The following TRMT9B variants were observed in gnomAD, a reference collection of about 807,000 sequenced individuals.
TRMT9B encodes probable tRNA methyltransferase 9B.
In TRMT9B, 16 loss-of-function variants were observed where a neutral mutation model predicts 11.5. The ratio of observed to expected loss-of-function variants is 1.39; its 90% confidence interval spans 0.94 to 2.11. TRMT9B has a LOEUF of 2.11. Among genes scored for constraint, TRMT9B ranks in the 30% most tolerant of loss-of-function variants. TRMT9B has a pLI of 0.00. For synonymous variants in TRMT9B, 274 were observed against 192.4 expected (o/e 1.42, Z -3.51); for missense variants, 941 against 553.8 (o/e 1.70, Z -7.02).
At chr8:12,956,785 A>T (rs1303793125) in intron 1 of TRMT9B, among the ~76,000 whole-genome samples, 2 of 152,228 alleles carry the variant, frequency 1.3e-5, no homozygotes, top group East Asian at 3.8e-4. Flanking sequence ...GAATAACATA[A>T]GAGTATGCTT....
chr8:13,001,495 T>TA, intron 2 of TRMT9B, among the ~76,000 whole-genome samples: 1 of 152,350 alleles, frequency 6.6e-6, no homozygotes, highest in Middle Eastern at 3.4e-3. Flanking sequence ...GTAGATAACA[T>TA]ACTTCACTAA....
chr8:13,010,785 A>G, intron 3 of TRMT9B: 1 of 983,046 alleles, frequency 1.0e-6, no homozygotes, highest in Non-Finnish European at 1.2e-6. Context: ...TTCTTAAAAT[A>G]GGACCATCGT....
At chr8:12,984,080 C>A (rs776580211) in intron 1 of TRMT9B, among the ~76,000 whole-genome samples, 1 of 152,154 alleles carries the variant, frequency 6.6e-6, no homozygotes, top group African/African-American at 2.4e-5. Flanking sequence ...GAGATAGTGA[C>A]GCCTTTTCTT....
intron 2 of TRMT9B, among the ~76,000 whole-genome samples, chr8:12,994,687 T>G (rs186113314): frequency 5.8e-4 from 89 of 152,138 alleles, no homozygotes; most frequent in African/African-American, 2.0e-3. Context: ...AACATTTTCT[T>G]TTTTTTTATT....
chr8:13,006,190 T>C lies in TRMT9B; in HGVS notation c.-1-12T>C, dbSNP rs1231891848. ...TGACCTGCATGCCTTGGGTTGGTCC[T>C]GTTTTCTCCAGGATGGATCATGAAG... On this transcript the variant is annotated splice_polypyrimidine_tract_variant and intron_variant, in intron 2 of 4. Transcript: ENST00000524591. 6.2e-7 allele frequency: 1 copy of C among 1,613,510 alleles called. No homozygotes were observed. Among genetic ancestry groups the C allele is most frequent in the Admixed American group, 1.7e-5 (1 of 59,990 alleles).
intron 2 of TRMT9B, among the ~76,000 whole-genome samples, chr8:12,993,006 AGCATT>A (rs1349635718): frequency 1.3e-5 from 2 of 152,226 alleles, no homozygotes; most frequent in Admixed American, 6.5e-5. Flanking sequence ...GTGATAGGAG[AGCATT>A]GCCGGTGAGA....
chr8:12,957,279 C>T (rs1346311427), intron 1 of TRMT9B, among the ~76,000 whole-genome samples: 1 of 152,140 alleles, frequency 6.6e-6, no homozygotes, highest in African/African-American at 2.4e-5. Flanking sequence ...TTCCCTTTAA[C>T]ACAGAGCTAG....
intron 4 of TRMT9B, 133 bp from the exon 5 acceptor site, chr8:13,020,875 G>A (rs566611166): frequency 1.3e-4 from 72 of 572,836 alleles, no homozygotes; most frequent in South Asian, 3.3e-4. Flanking sequence ...TGTCATCATC[G>A]TTGCCATGGA....
Position 13,016,235 on chromosome 8 carries a change from T to TTA in TRMT9B, c.328+3385_328+3386dup, listed in dbSNP as rs1812665254. On this transcript the variant is annotated intron_variant, in intron 4 of 4. Transcript: ENST00000524591. ...ATAAAATATAAATGTGAAATATATA[T>TTA]TATATATAAAATATAAATGTGAAAT... Among the ~76,000 whole-genome samples the TTA allele has an allele frequency of 3.8e-5, 3 of 79,206 alleles. 1 individual carries two copies. Among genetic ancestry groups the TTA allele is most frequent in the East Asian group, 1.0e-3 (2 of 1,914 alleles). 52.0% of individuals were successfully genotyped at this position (79,206 alleles called of 152,430 possible). A position where few individuals can be genotyped will look rare whatever the true frequency, so the allele number is the denominator to read the frequency against.
At chr8:13,006,155 G>C (rs771299312) in intron 2 of TRMT9B, 47 bp from the exon 3 acceptor site, 1 of 1,587,704 alleles carries the variant, frequency 6.3e-7, no homozygotes, top group Non-Finnish European at 8.6e-7. Context: ...GCCATCTATG[G>C]TGCATAGGCT....
At chr8:12,984,044 A>G (rs942603240) in intron 1 of TRMT9B, among the ~76,000 whole-genome samples, 13 of 152,180 alleles carry the variant, frequency 8.5e-5, no homozygotes, top group Admixed American at 2.6e-4. Context: ...AGGTCACACA[A>G]CCGCAGATTG....
intron 1 of TRMT9B, among the ~76,000 whole-genome samples, chr8:12,990,570 T>C (rs985864990): frequency 6.6e-6 from 1 of 152,190 alleles, no homozygotes; most frequent in African/African-American, 2.4e-5. Context: ...ATGTTAGCAA[T>C]TTTCCCAGGA....
At chr8:12,995,639 T>C (rs1241648132) in intron 2 of TRMT9B, among the ~76,000 whole-genome samples, 1 of 152,158 alleles carries the variant, frequency 6.6e-6, no homozygotes, top group Non-Finnish European at 1.5e-5. Context: ...AAAACTTTAC[T>C]GATACACATG....
At chr8:12,946,846 A>C (rs993472016) in intron 1 of TRMT9B, among the ~76,000 whole-genome samples, 1 of 152,170 alleles carries the variant, frequency 6.6e-6, no homozygotes, top group Non-Finnish European at 1.5e-5. Flanking sequence ...TAAGAGAAGA[A>C]ACCATCCTAT....
At chr8:12,948,657 G>A (rs749320928) in intron 1 of TRMT9B, among the ~76,000 whole-genome samples, 3 of 151,796 alleles carry the variant, frequency 2.0e-5, no homozygotes, top group Admixed American at 6.6e-5. Context: ...GAAGTTAAGT[G>A]TAACATTAGA....
At chr8:13,012,093 C>G (rs559256844) in intron 3 of TRMT9B, 1 of 985,402 alleles carries the variant, frequency 1.0e-6, no homozygotes, top group Non-Finnish European at 1.2e-6. Flanking sequence ...GACCAGCTAA[C>G]GTGCCTTGGT....
intron 2 of TRMT9B, among the ~76,000 whole-genome samples, chr8:12,992,088 T>C (rs1488078137): frequency 6.6e-6 from 1 of 152,136 alleles, no homozygotes; most frequent in African/African-American, 2.4e-5. Flanking sequence ...TTGTACAGAG[T>C]AAAGTATTGT....
intron 1 of TRMT9B, among the ~76,000 whole-genome samples, chr8:12,985,647 T>C (rs1390967733): frequency 6.6e-6 from 1 of 152,184 alleles, no homozygotes; most frequent in Admixed American, 6.5e-5. Flanking sequence ...TGTAGCCTAG[T>C]AGGTGCTTAG....
chr8:12,978,008 G>C (rs1187749704), intron 1 of TRMT9B, among the ~76,000 whole-genome samples: 1 of 152,182 alleles, frequency 6.6e-6, no homozygotes, highest in African/African-American at 2.4e-5. Context: ...GAGCCTGCAT[G>C]ACAGAGCGAG....
Sources: gnomAD v4.1 joint callset for allele counts (sites outside exome capture counted in the v4.1 genomes callset) on GRCh38, gnomAD v4.1.1 for gene constraint, MANE v1.5 for transcripts, NCBI Gene and HGNC (gene_info 2026-07-23, HGNC 2026-07-21) for gene names.